The following IL1RAPL1 variants were observed in gnomAD, a reference collection of about 807,000 sequenced individuals.
The protein encoded by IL1RAPL1 is interleukin-1 receptor accessory protein-like 1.
In IL1RAPL1, 3 loss-of-function variants were observed where a neutral mutation model predicts 48.4. The ratio of observed to expected loss-of-function variants is 0.06; its 90% CI spans 0.03 to 0.16. The LOEUF is 0.16. IL1RAPL1 is among the 10% of genes least tolerant of loss of function. The pLI is 1.00. For missense variants in IL1RAPL1, 349 were observed against 530.6 expected, an observed-to-expected ratio of 0.66 and a Z score of 3.36; for synonymous variants, 185 against 187.7, an observed-to-expected ratio of 0.99 and a Z score of 0.12.
intron 2 of IL1RAPL1, among the ~76,000 whole-genome samples, chrX:29,113,460 C>T (rs1396751969): frequency 9.0e-6 from 1 of 111,676 alleles, no homozygotes. Flanking sequence ...AATTGGGAAG[C>T]TCTGAATCTA....
intron 3 of IL1RAPL1, among the ~76,000 whole-genome samples, chrX:29,333,085 T>G (rs1304122154): frequency 8.9e-6 from 1 of 111,952 alleles, no homozygotes; most frequent in Non-Finnish European, 1.9e-5. Flanking sequence ...ATTTCTCAAT[T>G]TTTTTCCCCA....
At chrX:29,845,739 G>A (rs916964697) in intron 6 of IL1RAPL1, among the ~76,000 whole-genome samples, 1 of 111,316 alleles carries the variant, frequency 9.0e-6, no homozygotes, top group Non-Finnish European at 1.9e-5. Context: ...GTGAAAAGAC[G>A]TTTAATTGGC....
chrX:29,538,338 C>CTTTTT (rs397896582), intron 5 of IL1RAPL1, among the ~76,000 whole-genome samples: 19 of 83,607 alleles, frequency 2.3e-4, no homozygotes, highest in South Asian at 6.3e-4. Flanking sequence ...CTTTTCTTTT[C>CTTTTT]TTTTTTTTTT....
chrX:28,718,811 C>T (rs933016546), intron 1 of IL1RAPL1, among the ~76,000 whole-genome samples: 13 of 111,380 alleles, frequency 1.2e-4, no homozygotes, highest in Admixed American at 3.9e-4. Context: ...CTGCAAGTAG[C>T]TCTTTGTAAA....
chrX:28,796,763 C>G (rs1936616734), intron 2 of IL1RAPL1, among the ~76,000 whole-genome samples: 1 of 111,248 alleles, frequency 9.0e-6, no homozygotes, highest in East Asian at 2.9e-4. Flanking sequence ...GTCTACCATT[C>G]TGGAGTCTTG....
At chrX:29,632,715 C>A (rs1198590682) in intron 5 of IL1RAPL1, among the ~76,000 whole-genome samples, 1 of 111,258 alleles carries the variant, frequency 9.0e-6, no homozygotes, top group Non-Finnish European at 1.9e-5. Context: ...CTGAGCTTTA[C>A]GTGGGTGATA....
chrX:29,488,307 G>A (rs770287238), intron 5 of IL1RAPL1, among the ~76,000 whole-genome samples: 8 of 111,228 alleles, frequency 7.2e-5, no homozygotes, highest in Middle Eastern at 4.7e-3. Context: ...GTGTGGGGGC[G>A]TGCGCCTGTA....
intron 3 of IL1RAPL1, among the ~76,000 whole-genome samples, chrX:29,364,236 G>A (rs1296124448): frequency 9.0e-6 from 1 of 111,398 alleles, no homozygotes; most frequent in Non-Finnish European, 1.9e-5. Context: ...TATGGGTTTT[G>A]CATCCATGGA....
chrX:29,609,951 C>G (rs1261297091), intron 5 of IL1RAPL1, among the ~76,000 whole-genome samples: 1 of 110,487 alleles, frequency 9.1e-6, no homozygotes, highest in African/African-American at 3.3e-5. Context: ...TTTTATTTTT[C>G]TGATACATTT....
At chrX:28,974,022 A>G (rs1925146885) in intron 2 of IL1RAPL1, among the ~76,000 whole-genome samples, 1 of 112,018 alleles carries the variant, frequency 8.9e-6, no homozygotes, top group Non-Finnish European at 1.9e-5. Context: ...TAGTTGTGCT[A>G]TTAGTGAGTT....
rs184276560 is a variant in IL1RAPL1 at position 29,006,721 on chromosome X, C to T, written c.82+217296C>T. 4.6e-3 allele frequency among the ~76,000 whole-genome samples: 475 copies of T among 104,156 alleles called. 2 individuals are homozygous for T. Among genetic ancestry groups the T allele is most frequent in the African/African-American group, 0.016 (453 of 28,353 alleles). The allele number at this position is 104,156 out of a possible 115,157, so 90.4% of individuals were successfully genotyped here. ...ATTAAATATTCCTCAAATTTCCCAA[C>T]TCAAGTATGCTGTTTGTTTCCTGGA... On this transcript the variant is annotated intron_variant, in intron 2 of 10. Transcript: ENST00000378993.
At chrX:28,836,360 A>G in intron 2 of IL1RAPL1, among the ~76,000 whole-genome samples, 1 of 78,392 alleles carries the variant, frequency 1.3e-5, no homozygotes, top group East Asian at 5.5e-4. Flanking sequence ...ATATATATAT[A>G]TATGACAGAG....
At chrX:29,820,924 T>C (rs1930598001) in intron 6 of IL1RAPL1, among the ~76,000 whole-genome samples, 1 of 112,016 alleles carries the variant, frequency 8.9e-6, no homozygotes, top group Non-Finnish European at 1.9e-5. Context: ...TTGGGTAATC[T>C]CTCCCTTTAA....
intron 6 of IL1RAPL1, among the ~76,000 whole-genome samples, chrX:29,888,193 G>A (rs1393751918): frequency 9.1e-6 from 1 of 109,359 alleles, no homozygotes; most frequent in Non-Finnish European, 1.9e-5. Context: ...TTTGAGGTGA[G>A]GTAGCCTTTG....
At chrX:29,155,784 A>G (rs1315018752) in intron 2 of IL1RAPL1, among the ~76,000 whole-genome samples, 4 of 111,688 alleles carry the variant, frequency 3.6e-5, no homozygotes, top group Non-Finnish European at 7.5e-5. Flanking sequence ...CTAACAAGAT[A>G]ATAGTAGCTA....
chrX:29,632,500 G>A (rs1924812324), intron 5 of IL1RAPL1, among the ~76,000 whole-genome samples: 3 of 111,668 alleles, frequency 2.7e-5, no homozygotes, highest in South Asian at 3.7e-4. Flanking sequence ...TTCTGAGGGT[G>A]TATACTGATA....
chrX:29,885,484 G>A (rs1601866609), intron 6 of IL1RAPL1, among the ~76,000 whole-genome samples: 1 of 111,279 alleles, frequency 9.0e-6, no homozygotes, highest in East Asian at 2.8e-4. Flanking sequence ...CTGGCACATA[G>A]AAGTAACTCA....
intron 6 of IL1RAPL1, among the ~76,000 whole-genome samples, chrX:29,840,652 C>G (rs748727496): frequency 8.9e-6 from 1 of 111,809 alleles, no homozygotes; most frequent in Non-Finnish European, 1.9e-5. Flanking sequence ...TCATGACTGA[C>G]AGAACCTCTC....
At chrX:29,864,347 G>C (rs763940777) in intron 6 of IL1RAPL1, among the ~76,000 whole-genome samples, 153 of 112,256 alleles carry the variant, frequency 1.4e-3, no homozygotes, top group Non-Finnish European at 2.0e-3. Flanking sequence ...TCTCCAAGAA[G>C]GATAGACTGC....
Sources: gnomAD v4.1 joint callset for allele counts (sites outside exome capture counted in the v4.1 genomes callset) on GRCh38, gnomAD v4.1.1 for gene constraint, MANE v1.5 for transcripts, NCBI Gene and HGNC (gene_info 2026-07-23, HGNC 2026-07-21) for gene names.